NAALADL2: variants seen among roughly 807,000 people sequenced by gnomAD.
The protein encoded by NAALADL2 is inactive N-acetylated-alpha-linked acidic dipeptidase-like protein 2.
A neutral mutation model predicts 87.2 loss-of-function variants in NAALADL2; 76 were observed. That is an observed-to-expected ratio of 0.87 (90% CI 0.72 to 1.05). The LOEUF (loss-of-function observed/expected upper bound fraction) is 1.05. Among genes scored for constraint, NAALADL2 ranks in the 50% least tolerant of loss-of-function variants. NAALADL2 has a pLI of 0.00. For synonymous variants in NAALADL2, 354 were observed against 331.0 expected (o/e 1.07, Z -0.75); for missense variants, 1,089 against 945.8 (o/e 1.15, Z -1.99).
At chr3:175,049,658 A>G (rs1370639268) in intron 1 of NAALADL2, among the ~76,000 whole-genome samples, 3 of 152,082 alleles carry the variant, frequency 2.0e-5, no homozygotes, top group African/African-American at 7.2e-5. Flanking sequence ...TTTTTTCCTG[A>G]TGAGGTTTTA....
intron 3 of NAALADL2, among the ~76,000 whole-genome samples, chr3:174,790,772 A>G (rs1465121864): frequency 6.6e-6 from 1 of 152,172 alleles, no homozygotes; most frequent in Non-Finnish European, 1.5e-5. Flanking sequence ...TACCAATACA[A>G]TAATATAAAC....
intron 1 of NAALADL2, among the ~76,000 whole-genome samples, chr3:174,443,154 AAC>A (rs1321030841): frequency 1.3e-5 from 2 of 152,224 alleles, no homozygotes; most frequent in Non-Finnish European, 2.9e-5. Flanking sequence ...GACATGATCT[AAC>A]ACATCTGTTT....
At position 175,803,022 on chromosome 3, in the gene NAALADL2, T is replaced by C. The variant is rs766537926; in HGVS notation, c.2207T>C (p.Leu736Pro). ...CTTTTCAGAAACATCCTCTACCACC[T>C]TGATGAAAAGACAAGCCGGTTTTCA... ...PGFYRNILYH[L>P]DEKTSRFSIL... The change falls in exon 14 of 14, where the codon CTT (leucine) becomes CCT (proline). Residue 736 changes from leucine to proline, a missense_variant. Physicochemically the swap from Leu to Pro is moderately conservative, Grantham distance 98. Coordinates refer to ENST00000454872, the MANE Select transcript of NAALADL2 (RefSeq NM_207015.3). The C allele has an allele frequency of 2.2e-5, 35 of 1,611,450 alleles. No homozygotes were observed. The highest frequency in any genetic ancestry group is 2.9e-5 in the Non-Finnish European group (34 of 1,178,222).
chr3:174,627,579 C>T (rs1018570770), intron 2 of NAALADL2, among the ~76,000 whole-genome samples: 8 of 152,200 alleles, frequency 5.3e-5, no homozygotes, highest in African/African-American at 1.7e-4. Context: ...AATCCCACTA[C>T]TGCATGTTGT....
At chr3:174,762,198 C>T (rs1043837608) in intron 3 of NAALADL2, among the ~76,000 whole-genome samples, 4 of 149,554 alleles carry the variant, frequency 2.7e-5, no homozygotes, top group Non-Finnish European at 5.9e-5. Context: ...CTCGCTCTGT[C>T]ACCCAGGCTG....
At chr3:175,498,436 A>G (rs748565009) in intron 9 of NAALADL2, among the ~76,000 whole-genome samples, 2 of 152,180 alleles carry the variant, frequency 1.3e-5, no homozygotes, top group African/African-American at 2.4e-5. Flanking sequence ...GTGAAAGATT[A>G]TTGAAAGTAT....
chr3:175,588,058 T>A (rs967614034), intron 10 of NAALADL2, among the ~76,000 whole-genome samples: 1 of 150,820 alleles, frequency 6.6e-6, no homozygotes, highest in Non-Finnish European at 1.5e-5. Context: ...TACACATCTA[T>A]GTTGATTTAA....
rs1227887005 is a variant in NAALADL2 at position 175,181,703 on chromosome 3, A to ATATATATG, written c.546-52227_546-52226insATATATGT. On this transcript the variant is annotated intron_variant, in intron 2 of 13. Transcript: ENST00000454872. The stretch of plus-strand genomic sequence containing the variant: ...CATATATATATATATATATATATAT[A>ATATATATG]TGTGTGTGTGTGTGTATATATATGT... 1.0e-4 allele frequency among the ~76,000 whole-genome samples: 11 copies of ATATATATG among 106,842 alleles called. 1 individual carries two copies. The highest frequency in any genetic ancestry group is 4.3e-4 in the African/African-American group (11 of 25,808). The allele number at this position is 106,842 out of a possible 152,430, so 70.1% of individuals were successfully genotyped here. A position where few individuals can be genotyped will look rare whatever the true frequency, so the allele number is the denominator to read the frequency against.
In NAALADL2 at chr3:175,737,483, T is replaced by C. The variant is rs1213092418; in HGVS notation, c.1990+84T>C. On this transcript the variant is annotated intron_variant, in intron 12 of 13. Coordinates refer to ENST00000454872, the MANE Select transcript of NAALADL2 (RefSeq NM_207015.3). ...AACAAGGAATGGATGAAGTCATCAA[T>C]GATCTTACTAGCCATGGCAATGCTG... The C allele has an allele frequency of 3.6e-6, 3 of 826,026 alleles. No homozygotes were observed. In the African/African-American group the frequency reaches 5.1e-5, roughly 14 times the overall value. The allele number at this position is 826,026 out of a possible 1,614,324, so 51.2% of individuals were successfully genotyped here.
intron 13 of NAALADL2, chr3:175,773,093 G>GGAGAT (rs1749727430): frequency 6.6e-6 from 1 of 152,062 alleles, no homozygotes; most frequent in Non-Finnish European, 1.5e-5. Context: ...CCAGTCTTCA[G>GGAGAT]GAGATGGTAA....
chr3:175,372,419 T>C (rs1169969293), intron 5 of NAALADL2, among the ~76,000 whole-genome samples: 1 of 152,234 alleles, frequency 6.6e-6, no homozygotes, highest in Non-Finnish European at 1.5e-5. Context: ...CTTCTCTAAA[T>C]ATTTTTCTCA....
At chr3:174,976,616 C>A (rs1461630571) in intron 1 of NAALADL2, among the ~76,000 whole-genome samples, 2 of 152,196 alleles carry the variant, frequency 1.3e-5, no homozygotes, top group Non-Finnish European at 2.9e-5. Context: ...ATATTTGCTG[C>A]ACTCTGCAGG....
At position 175,471,624 on chromosome 3, in the gene NAALADL2, T is replaced by G. The variant is rs1724908264; in HGVS notation, c.1534-15T>G. The stretch of plus-strand genomic sequence containing the variant: ...TTTGTCTTACAGATAGATCCTTTTT[T>G]TTTTGTTATTTCAGGATTTCAAGAA... On this transcript the variant is annotated splice_polypyrimidine_tract_variant and intron_variant, in intron 8 of 13. Coordinates refer to ENST00000454872, the MANE Select transcript of NAALADL2 (RefSeq NM_207015.3). 7.4e-7 allele frequency: 1 copy of G among 1,353,258 alleles called. No homozygotes were observed. Among genetic ancestry groups the G allele is most frequent in the Admixed American group, 1.9e-5 (1 of 51,590 alleles). 83.8% of individuals were successfully genotyped at this position (1,353,258 alleles called of 1,614,324 possible).
At chr3:174,858,483 T>A (rs1386245414), upstream of NAALADL2, among the ~76,000 whole-genome samples, 1 of 152,074 alleles carries the variant, frequency 6.6e-6, no homozygotes, top group African/African-American at 2.4e-5. Context: ...CATGCTTCTA[T>A]TCAAAAGGCA....
intron 11 of NAALADL2, among the ~76,000 whole-genome samples, chr3:175,681,904 T>G (rs1489360367): frequency 2.6e-5 from 4 of 152,304 alleles, no homozygotes; most frequent in Non-Finnish European, 5.9e-5. Context: ...CAGTATCAAT[T>G]TCTACCTGTA....
chr3:174,862,518 G>A (rs926421063), intron 1 of NAALADL2, among the ~76,000 whole-genome samples: 1 of 152,056 alleles, frequency 6.6e-6, no homozygotes, highest in East Asian at 1.9e-4. Flanking sequence ...GGAAAATGGG[G>A]AAAGAATCTA....
chr3:175,299,503 C>G (rs1311702752), intron 4 of NAALADL2, among the ~76,000 whole-genome samples: 1 of 151,902 alleles, frequency 6.6e-6, no homozygotes, highest in Non-Finnish European at 1.5e-5. Context: ...TTGAAGAGGT[C>G]CTTCACATCC....
intron 2 of NAALADL2, among the ~76,000 whole-genome samples, chr3:174,617,065 G>C (rs1477118947): frequency 2.6e-5 from 4 of 151,658 alleles, no homozygotes; most frequent in Non-Finnish European, 5.9e-5. Flanking sequence ...CTTTGTATGG[G>C]TATTAAATAC....
At chr3:175,485,172 TATGTACTGA>T (rs1276302929) in intron 9 of NAALADL2, among the ~76,000 whole-genome samples, 1 of 152,208 alleles carries the variant, frequency 6.6e-6, no homozygotes, top group East Asian at 1.9e-4. Context: ...ATGTTGTTGC[TATGTACTGA>T]ATGTTTGTGT....
Sources: gnomAD v4.1 joint callset for allele counts (sites outside exome capture counted in the v4.1 genomes callset) on GRCh38, gnomAD v4.1.1 for gene constraint, MANE v1.5 for transcripts, NCBI Gene and HGNC (gene_info 2026-07-23, HGNC 2026-07-21) for gene names.